The following PARD3 variants were observed in gnomAD, a reference collection of about 807,000 sequenced individuals.
PARD3 encodes par-3 family cell polarity regulator, also known as partitioning defective 3 homolog.
PARD3 carries 75 observed loss-of-function variants against 155.4 expected under a neutral mutation model. The observed-to-expected ratio is 0.48, with a 90% confidence interval of 0.40 to 0.58. The LOEUF is 0.58. Among genes scored for constraint, PARD3 ranks in the 20% least tolerant of loss-of-function variants. The pLI is 0.00. For missense variants in PARD3, 1,642 were observed against 1,721.7 expected (o/e 0.95, Z 0.82); for synonymous variants, 576 against 610.5 (o/e 0.94, Z 0.83).
intron 2 of PARD3, among the ~76,000 whole-genome samples, chr10:34,559,660 C>T (rs1190997548): frequency 1.3e-5 from 2 of 152,152 alleles, no homozygotes; most frequent in Non-Finnish European, 2.9e-5. Context: ...TCATCAATGC[C>T]ACAATTTCTT....
chr10:34,416,855 G>C (rs1399274419), intron 5 of PARD3, among the ~76,000 whole-genome samples: 1 of 152,222 alleles, frequency 6.6e-6, no homozygotes, highest in Admixed American at 6.5e-5. Context: ...TTGCAAAATT[G>C]TAACAATAGG....
intron 2 of PARD3, among the ~76,000 whole-genome samples, chr10:34,694,009 T>G (rs1039918216): frequency 3.3e-5 from 5 of 152,128 alleles, no homozygotes; most frequent in Non-Finnish European, 7.4e-5. Flanking sequence ...CAAACAACAG[T>G]GATAAGCTCT....
In PARD3 at chr10:34,111,085, G is replaced by A. The variant is rs1946359885; in HGVS notation, c.*84C>T. 3.5e-6 allele frequency: 5 copies of A among 1,427,570 alleles called. No individual in the cohort carries two copies. The East Asian group carries it at 1.2e-4, about 33-fold the overall frequency. The allele number at this position is 1,427,570 out of a possible 1,614,324, so 88.4% of individuals were successfully genotyped here. A position where few individuals can be genotyped will look rare whatever the true frequency, so the allele number is the denominator to read the frequency against. ...CAGAAATACTCCATAGTACCATCGA[G>A]GTTTTAAAAAAACTCCCAAAATACA... On this transcript the variant is annotated 3_prime_UTR_variant, in exon 25 of 25. Coordinates refer to ENST00000374788, the MANE Select transcript of PARD3 (RefSeq NM_001184785.2).
intron 19 of PARD3, among the ~76,000 whole-genome samples, chr10:34,327,150 T>C (rs1835113999): frequency 1.3e-5 from 2 of 152,200 alleles, no homozygotes; most frequent in Non-Finnish European, 2.9e-5. Context: ...AGAAGTCGCT[T>C]GCTGAGAGCC....
chr10:34,295,364 C>T (rs1436327862), intron 20 of PARD3, among the ~76,000 whole-genome samples: 1 of 152,168 alleles, frequency 6.6e-6, no homozygotes, highest in Non-Finnish European at 1.5e-5. Context: ...GTTCAACAAG[C>T]GTCCAAATAT....
chr10:34,519,860 CATAACATAACAT>C (rs2082026072), intron 2 of PARD3, among the ~76,000 whole-genome samples: 1 of 150,818 alleles, frequency 6.6e-6, no homozygotes, highest in African/African-American at 2.4e-5. Context: ...CATAACATAA[CATAACATAACAT>C]AACATAACAT....
chr10:34,485,194 C>T (rs773899358), intron 3 of PARD3, among the ~76,000 whole-genome samples: 3 of 152,116 alleles, frequency 2.0e-5, no homozygotes, highest in Non-Finnish European at 2.9e-5. Context: ...AAAAATTAGC[C>T]GGGCGTGGTG....
chr10:34,630,755 A>T (rs1453116239), intron 2 of PARD3, among the ~76,000 whole-genome samples: 1 of 151,750 alleles, frequency 6.6e-6, no homozygotes, highest in Non-Finnish European at 1.5e-5. Flanking sequence ...CTTATCCTCC[A>T]AGGCTGTGCT....
chr10:34,583,237 G>A (rs1473946670), intron 2 of PARD3, among the ~76,000 whole-genome samples: 1 of 152,090 alleles, frequency 6.6e-6, no homozygotes, highest in East Asian at 1.9e-4. Flanking sequence ...TTAATGCCAT[G>A]AAATTTAAAT....
chr10:34,692,243 A>G (rs2094078936), intron 2 of PARD3, among the ~76,000 whole-genome samples: 1 of 152,104 alleles, frequency 6.6e-6, no homozygotes, highest in Admixed American at 6.6e-5. Flanking sequence ...AAAAAAAAAA[A>G]AAAAATCAAT....
intron 2 of PARD3, among the ~76,000 whole-genome samples, chr10:34,559,344 G>A (rs530537228): frequency 6.6e-6 from 1 of 151,428 alleles, no homozygotes; most frequent in Non-Finnish European, 1.5e-5. Context: ...CTTCTTATTT[G>A]TAACTGTTAA....
At chr10:34,558,220 CT>C (rs1344291432) in intron 2 of PARD3, among the ~76,000 whole-genome samples, 2 of 152,040 alleles carry the variant, frequency 1.3e-5, no homozygotes, top group Non-Finnish European at 2.9e-5. Flanking sequence ...CCAAATGAAT[CT>C]ACTACCGCTA....
intron 8 of PARD3, among the ~76,000 whole-genome samples, 163 bp from the exon 9 acceptor site, chr10:34,383,085 G>C (rs1454404020): frequency 6.6e-6 from 1 of 152,128 alleles, no homozygotes; most frequent in Admixed American, 6.6e-5. Context: ...TTGCAGCTCT[G>C]ATCTATCAAT....
At chr10:34,288,566 T>C (rs1033248231) in intron 20 of PARD3, among the ~76,000 whole-genome samples, 1 of 152,212 alleles carries the variant, frequency 6.6e-6, no homozygotes, top group Non-Finnish European at 1.5e-5. Flanking sequence ...GAGGGAGTCA[T>C]TGAAAAATTT....
At chr10:34,113,538 CAT>C (rs1697606158) in intron 24 of PARD3, among the ~76,000 whole-genome samples, 1 of 151,832 alleles carries the variant, frequency 6.6e-6, no homozygotes, top group Non-Finnish European at 1.5e-5. Context: ...CACACACACA[CAT>C]GCGCACACAC....
At chr10:34,491,209 T>C (rs1589762579) in intron 3 of PARD3, among the ~76,000 whole-genome samples, 1 of 152,158 alleles carries the variant, frequency 6.6e-6, no homozygotes. Flanking sequence ...CACAGGATCA[T>C]CCAAAAACAC....
chr10:34,384,173 A>G lies in PARD3; in HGVS notation c.972T>C (p.Ile324=), dbSNP rs1842122254. Residue 324 remains isoleucine (I), a synonymous_variant, in exon 8 of 25, where the codon ATT becomes ATC. Coordinates refer to ENST00000374788, the MANE Select transcript of PARD3 (RefSeq NM_001184785.2). ...GAAGGTCGCCATCATTAATCCTGACAATGCAATCATTCTCACGAAAAAGAT... is the reference window on the plus strand; with the variant it reads ...GAAGGTCGCCATCATTAATCCTGACGATGCAATCATTCTCACGAAAAAGAT... ...HENLFRENDC[I]VRINDGDLRN... is the part of the protein sequence containing the mutation. 1 of 1,613,796 alleles carries G rather than the reference A, an allele frequency of 6.2e-7. No individual in the cohort carries two copies. Among genetic ancestry groups the G allele is most frequent in the Non-Finnish European group, 8.5e-7 (1 of 1,179,838 alleles).
chr10:34,171,193 ACT>A (rs1949771624), intron 22 of PARD3, among the ~76,000 whole-genome samples: 1 of 152,142 alleles, frequency 6.6e-6, no homozygotes, highest in Non-Finnish European at 1.5e-5. Flanking sequence ...ACAAGCTAAA[ACT>A]CAAGCTTTAC....
At chr10:34,718,987 T>A (rs1187602686) in intron 1 of PARD3, among the ~76,000 whole-genome samples, 1 of 151,956 alleles carries the variant, frequency 6.6e-6, no homozygotes, top group Non-Finnish European at 1.5e-5. Flanking sequence ...AAATAAATTT[T>A]AAAAAAATGC....
Sources: allele counts gnomAD v4.1 joint callset (sites outside exome capture counted in the v4.1 genomes callset), GRCh38; gene constraint gnomAD v4.1.1; transcripts MANE v1.5; gene names NCBI Gene and HGNC (gene_info 2026-07-23, HGNC 2026-07-21).